The following ADAMTS6 variants were observed in gnomAD, a reference collection of about 807,000 sequenced individuals.
ADAMTS6 encodes the protein ADAM metallopeptidase with thrombospondin type 1 motif 6, also known as A disintegrin and metalloproteinase with thrombospondin motifs 6.
A neutral mutation model predicts 144.3 loss-of-function variants in ADAMTS6; 23 were observed. The ratio of observed to expected loss-of-function variants is 0.16; its 90% confidence interval spans 0.11 to 0.23. The LOEUF (loss-of-function observed/expected upper bound fraction) is 0.23. Among genes scored for constraint, ADAMTS6 ranks in the 10% least tolerant of loss-of-function variants. The pLI, the probability that ADAMTS6 is intolerant of heterozygous loss-of-function variation, is 1.00. For missense variants in ADAMTS6, 999 were observed against 1,379.6 expected (o/e 0.72, Z 4.37); for synonymous variants, 444 against 457.5 (o/e 0.97, Z 0.38).
chr5:65,368,843 T>C (rs1012643153), intron 7 of ADAMTS6, among the ~76,000 whole-genome samples: 1 of 151,940 alleles, frequency 6.6e-6, no homozygotes, highest in African/African-American at 2.4e-5. Flanking sequence ...TTACTTGAGG[T>C]GAGGAATTCA....
intron 9 of ADAMTS6, among the ~76,000 whole-genome samples, chr5:65,319,739 GGGAAGGAA>G (rs776411832): frequency 0.02 from 1,292 of 65,590 alleles, 30 homozygotes; most frequent in African/African-American, 0.026. Flanking sequence ...GAGGGAGGGA[GGGAAGGAA>G]GGAAGGAAGG....
At chr5:65,252,296 G>A (rs1013617615) in intron 14 of ADAMTS6, among the ~76,000 whole-genome samples, 5 of 148,982 alleles carry the variant, frequency 3.4e-5, no homozygotes, top group Non-Finnish European at 7.4e-5. Flanking sequence ...TCCGCTCGGA[G>A]CAAAATTTGT....
chr5:65,340,340 C>T (rs117701005), intron 7 of ADAMTS6, among the ~76,000 whole-genome samples: 2 of 152,104 alleles, frequency 1.3e-5, no homozygotes, highest in East Asian at 1.9e-4. Flanking sequence ...AAGGAACTTT[C>T]GTAACACTAG....
chr5:65,306,724 G>C (rs149495329), intron 9 of ADAMTS6, among the ~76,000 whole-genome samples: 94 of 152,240 alleles, frequency 6.2e-4, no homozygotes, highest in African/African-American at 2.2e-3. Flanking sequence ...AGTATTTTCA[G>C]ATTTCTTAAT....
chr5:65,286,637 A>T (rs1193698395), intron 11 of ADAMTS6, among the ~76,000 whole-genome samples: 2 of 152,206 alleles, frequency 1.3e-5, no homozygotes, highest in East Asian at 1.9e-4. Flanking sequence ...TTAACAGTAA[A>T]TTATGTACTG....
At chr5:65,252,114 A>G (rs1349168455) in intron 14 of ADAMTS6, among the ~76,000 whole-genome samples, 1 of 152,174 alleles carries the variant, frequency 6.6e-6, no homozygotes, top group African/African-American at 2.4e-5. Flanking sequence ...TAAGCCTTGT[A>G]TGTTTCAATC....
intron 7 of ADAMTS6, among the ~76,000 whole-genome samples, chr5:65,349,960 T>C (rs951656497): frequency 1.3e-5 from 2 of 152,158 alleles, no homozygotes; most frequent in African/African-American, 4.8e-5. Flanking sequence ...TTTAATTACA[T>C]TACTTCTATG....
At chr5:65,157,964 G>C (rs543772679) in intron 24 of ADAMTS6, among the ~76,000 whole-genome samples, 3 of 152,248 alleles carry the variant, frequency 2.0e-5, no homozygotes, top group South Asian at 2.1e-4. Context: ...CCATAGACTA[G>C]ACCATTCCTT....
chr5:65,219,494 T>C (rs561220317), intron 18 of ADAMTS6, among the ~76,000 whole-genome samples: 10 of 152,306 alleles, frequency 6.6e-5, no homozygotes, highest in South Asian at 4.1e-4. Context: ...AGTGAATAGA[T>C]AGAAAAAGAT....
At position 65,225,040 on chromosome 5, in the gene ADAMTS6, C is replaced by A; in HGVS notation, c.2075G>T (p.Gly692Val). 1 of 1,613,376 alleles carries A rather than the reference C, an allele frequency of 6.2e-7. No homozygotes were observed. Among genetic ancestry groups the A allele is most frequent in the Non-Finnish European group, 8.5e-7 (1 of 1,179,774 alleles). The change falls in exon 17 of 25, where the codon GGC becomes GTC. Residue 692 changes from glycine (G) to valine (V), a missense_variant. Transcript: ENST00000381055. ...ATCAGATCCCAAAATATTATCACAG[C>A]CTACGTGCTGAAAACAGAGAGGAAT... ...ICINGECKHV[G>V]CDNILGSDAR...
At chr5:65,359,794 T>TA (rs577702688) in intron 7 of ADAMTS6, among the ~76,000 whole-genome samples, 518 of 147,232 alleles carry the variant, frequency 3.5e-3, no homozygotes, top group Non-Finnish European at 5.3e-3. Flanking sequence ...GTGTAGAGTC[T>TA]AAAAAAAAAA....
intron 3 of ADAMTS6, among the ~76,000 whole-genome samples, chr5:65,465,948 T>C (rs553310379): frequency 4.6e-5 from 7 of 152,210 alleles, no homozygotes; most frequent in Non-Finnish European, 8.8e-5. Context: ...ATCTATATAT[T>C]GATGACTCCC....
At chr5:65,232,469 G>A (rs1758326505) in intron 15 of ADAMTS6, among the ~76,000 whole-genome samples, 1 of 151,732 alleles carries the variant, frequency 6.6e-6, no homozygotes, top group South Asian at 2.1e-4. Flanking sequence ...GCTATACTAG[G>A]AGAGAAAGAG....
At chr5:65,374,211 G>C (rs370300383) in intron 7 of ADAMTS6, among the ~76,000 whole-genome samples, 16 of 152,088 alleles carry the variant, frequency 1.1e-4, no homozygotes, top group Non-Finnish European at 2.4e-4. Context: ...GACAGGGATG[G>C]CCTCTCTCAC....
At chr5:65,277,612 C>CTTATTTAAT (rs1449193712) in intron 11 of ADAMTS6, among the ~76,000 whole-genome samples, 1 of 151,384 alleles carries the variant, frequency 6.6e-6, no homozygotes. Flanking sequence ...ATGGACTGTC[C>CTTATTTAAT]TTATTTGTTA....
In ADAMTS6 at chr5:65,262,799, C is replaced by T; in HGVS notation, c.1766+18G>A. The T allele has an allele frequency of 6.7e-7, 1 of 1,484,476 alleles. No homozygotes were observed. The highest frequency in any genetic ancestry group is 1.4e-5 in the South Asian group (1 of 71,062). 92.0% of individuals were successfully genotyped at this position (1,484,476 alleles called of 1,614,324 possible). ...AACTGTGTCTTTTTGTTGGCTCCGG[C>T]TTACTTTAGCTACTTACGCTGGACT... On this transcript the variant is annotated intron_variant, in intron 13 of 24. Transcript: ENST00000381055.
At chr5:65,252,536 T>C (rs1432244503) in intron 14 of ADAMTS6, among the ~76,000 whole-genome samples, 4 of 151,284 alleles carry the variant, frequency 2.6e-5, no homozygotes, top group Non-Finnish European at 5.9e-5. Context: ...CCATTGTGCC[T>C]GGCAATTTTA....
intron 11 of ADAMTS6, among the ~76,000 whole-genome samples, chr5:65,279,168 C>T (rs1762796405): frequency 6.6e-6 from 1 of 152,088 alleles, no homozygotes; most frequent in Admixed American, 6.6e-5. Context: ...TGGTCTTGAA[C>T]TCCTGAGCTC....
rs371901643 is a variant in ADAMTS6, at chr5:65,432,488, C to G, written c.1073+18987G>C. Among the ~76,000 whole-genome samples, 17 of 152,108 alleles carry G rather than the reference C, an allele frequency of 1.1e-4. No homozygotes were observed. In the East Asian group the frequency reaches 3.1e-3, roughly 28 times the overall value. ...AAAGAGCCATTGAATTTTTTCCACC[C>G]ATTTTTCACTGCTTTGCATACATTA... On this transcript the variant is annotated intron_variant, in intron 7 of 24. Coordinates refer to ENST00000381055, the MANE Select transcript of ADAMTS6 (RefSeq NM_197941.4).
Sources: gnomAD v4.1 joint callset for allele counts (sites outside exome capture counted in the v4.1 genomes callset) on GRCh38, gnomAD v4.1.1 for gene constraint, MANE v1.5 for transcripts, NCBI Gene and HGNC (gene_info 2026-07-23, HGNC 2026-07-21) for gene names.